The following FBXO38 variants were observed in gnomAD, a reference collection of about 807,000 sequenced individuals.
FBXO38 encodes F-box only protein 38.
Under a neutral mutation model 131.9 loss-of-function variants are expected in FBXO38, and 53 were observed. The observed-to-expected ratio is 0.40, with a 90% CI of 0.32 to 0.51. The LOEUF (loss-of-function observed/expected upper bound fraction) is 0.51. Ranked by LOEUF, FBXO38 falls within the 20% of genes least tolerant of loss-of-function variation. The pLI, the probability that FBXO38 is intolerant of heterozygous loss-of-function variation, is 0.53. For synonymous variants in FBXO38, 452 were observed against 505.6 expected (o/e 0.89, Z 1.42); for missense variants, 1,076 against 1,475.6 (o/e 0.73, Z 4.44).
In FBXO38 at chr5:148,440,485, TA is replaced by T; in HGVS notation, c.3233del (p.Tyr1078SerfsTer13). On this transcript the variant is annotated frameshift_variant, in exon 20 of 22. Transcript: ENST00000340253. LOFTEE classifies it high-confidence loss of function. ...ATRSEEDLKK[Y>X]PKYPWGREIY... ...TCGAAGTGAAGAAGACTTAAAGAAA[TA>T]CCCCAAGTACCCCTGGGGGAGAGAA... The T allele has an allele frequency of 6.2e-7, 1 of 1,611,806 alleles. No homozygotes were observed. Among genetic ancestry groups the T allele is most frequent in the Non-Finnish European group, 8.5e-7 (1 of 1,178,034 alleles).
At chr5:148,410,477 T>G in intron 8 of FBXO38, 158 bp from the exon 9 acceptor site, 1 of 837,412 alleles carries the variant, frequency 1.2e-6, no homozygotes, top group Non-Finnish European at 1.9e-6. Flanking sequence ...TCCCCAGCCA[T>G]GTGGAACTGT....
At chr5:148,436,144 C>T (rs996152542) in intron 17 of FBXO38, among the ~76,000 whole-genome samples, 1 of 152,124 alleles carries the variant, frequency 6.6e-6, no homozygotes, top group African/African-American at 2.4e-5. Flanking sequence ...AAAAAAATGG[C>T]ACCAGTAGAT....
intron 9 of FBXO38, among the ~76,000 whole-genome samples, chr5:148,411,207 C>T (rs1447675566): frequency 4.6e-5 from 7 of 152,100 alleles, no homozygotes; most frequent in Non-Finnish European, 8.8e-5. Flanking sequence ...GCTGGGGGTT[C>T]TGGATTTTCC....
At chr5:148,412,874 AAAAC>A (rs1402581973) in intron 9 of FBXO38, among the ~76,000 whole-genome samples, 2 of 152,136 alleles carry the variant, frequency 1.3e-5, no homozygotes, top group Non-Finnish European at 2.9e-5. Context: ...GCTGAAAAGA[AAAAC>A]AAAAATGAAT....
In FBXO38 at chr5:148,428,729, G is replaced by T. The variant is rs926746567; in HGVS notation, c.2653+782G>T. Reference sequence around the variant, plus strand: ...ATCAGTCCCAGAACATAGGCAGTCAGTGCTTTTTGTATATTCAAAATAGAA... The same window carrying T: ...ATCAGTCCCAGAACATAGGCAGTCATTGCTTTTTGTATATTCAAAATAGAA... On this transcript the variant is annotated intron_variant, in intron 15 of 21. Transcript: ENST00000340253. 7.9e-5 allele frequency among the ~76,000 whole-genome samples: 12 copies of T among 152,272 alleles called. 1 individual carries two copies. The Middle Eastern group carries it at 0.01, about 129-fold the overall frequency.
intron 10 of FBXO38, among the ~76,000 whole-genome samples, chr5:148,415,578 T>C (rs562786946): frequency 4.6e-5 from 7 of 152,298 alleles, no homozygotes; most frequent in African/African-American, 1.4e-4. Flanking sequence ...CATATTAAGC[T>C]CTCCTTAATT....
rs578053667 is a variant in FBXO38, at chr5:148,411,889, G to A, written c.1093+1124G>A. Among the ~76,000 whole-genome samples the A allele has an allele frequency of 3.3e-5, 5 of 152,254 alleles. No individual in the cohort carries two copies. The East Asian group carries it at 7.7e-4, about 24-fold the overall frequency. ...CATTCCCTATGTTTCTGCAATGTCTGTATAGTAACAAAATTATTAGCTTTG... is the reference window on the plus strand; with the variant it reads ...CATTCCCTATGTTTCTGCAATGTCTATATAGTAACAAAATTATTAGCTTTG... On this transcript the variant is annotated intron_variant, in intron 9 of 21. Transcript: ENST00000340253.
chr5:148,400,495 T>C (rs1224051574), intron 3 of FBXO38, among the ~76,000 whole-genome samples: 1 of 152,086 alleles, frequency 6.6e-6, no homozygotes, highest in Non-Finnish European at 1.5e-5. Flanking sequence ...CTATGATAAA[T>C]AACCTGTGAG....
chr5:148,389,010 G>A (rs1193028327), intron 1 of FBXO38, among the ~76,000 whole-genome samples: 1 of 152,180 alleles, frequency 6.6e-6, no homozygotes, highest in African/African-American at 2.4e-5. Context: ...AGAGGCCGTT[G>A]TAGAGTTCTT....
intron 17 of FBXO38, among the ~76,000 whole-genome samples, chr5:148,436,320 G>A (rs1754346614): frequency 6.6e-6 from 1 of 152,160 alleles, no homozygotes; most frequent in Non-Finnish European, 1.5e-5. Flanking sequence ...GCCTAGTGAT[G>A]TTAATTTGTA....
chr5:148,421,428 G>A (rs1753423574), intron 12 of FBXO38, among the ~76,000 whole-genome samples: 1 of 152,040 alleles, frequency 6.6e-6, no homozygotes, highest in Non-Finnish European at 1.5e-5. Context: ...ACACTTTGGG[G>A]CAGGTAGTTG....
chr5:148,397,184 C>T (rs1758524888), intron 2 of FBXO38, among the ~76,000 whole-genome samples: 2 of 152,078 alleles, frequency 1.3e-5, no homozygotes, highest in African/African-American at 2.4e-5. Flanking sequence ...CTTCATAAAA[C>T]AAGAAAAACT....
At chr5:148,412,213 C>T (rs1327798737) in intron 9 of FBXO38, among the ~76,000 whole-genome samples, 1 of 152,106 alleles carries the variant, frequency 6.6e-6, no homozygotes, top group Non-Finnish European at 1.5e-5. Flanking sequence ...TTCTTATTTG[C>T]CACAGTTTAA....
chr5:148,389,968 G>A (rs1378170399), intron 1 of FBXO38: 1 of 152,080 alleles, frequency 6.6e-6, no homozygotes, highest in Non-Finnish European at 1.5e-5. Context: ...GGCAGAAGTT[G>A]CAGTGAGCCA....
intron 14 of FBXO38, 86 bp downstream of exon 14, chr5:148,425,787 G>T: frequency 1.7e-6 from 2 of 1,147,264 alleles, no homozygotes; most frequent in South Asian, 3.0e-5. Context: ...CTTGGGTGCA[G>T]TTAACATATA....
chr5:148,407,335 CAG>C (rs1289424101), intron 7 of FBXO38, among the ~76,000 whole-genome samples: 1 of 152,122 alleles, frequency 6.6e-6, no homozygotes. Context: ...AAAAGAAAAA[CAG>C]AGACTTTTCT....
rs142852014 is a variant in FBXO38, at chr5:148,433,431, C to T, written c.2661C>T (p.Ala887=). 3 of 1,610,130 alleles carry T rather than the reference C, an allele frequency of 1.9e-6. No homozygotes were observed. The highest frequency in any genetic ancestry group is 2.5e-6 in the Non-Finnish European group (3 of 1,178,806). Residue 887 remains alanine, a synonymous_variant, in exon 16 of 22, where the codon GCC becomes GCT. Coordinates refer to ENST00000340253, the MANE Select transcript of FBXO38 (RefSeq NM_205836.3). The part of the protein sequence containing the change: ...HVLLVSESEV[A]KTKPRHAMKR... ...TTTTTTTGCCTTTTTTAGAAGTAGC[C>T]AAAACAAAGCCACGTCACGCCATGA...
chr5:148,435,330 A>G (rs1042687430), intron 17 of FBXO38, among the ~76,000 whole-genome samples: 1 of 152,142 alleles, frequency 6.6e-6, no homozygotes, highest in Non-Finnish European at 1.5e-5. Flanking sequence ...TTGTGGGTTC[A>G]CTGGAATAGC....
At chr5:148,408,929 G>T (rs1752584908) in intron 7 of FBXO38, among the ~76,000 whole-genome samples, 195 bp from the exon 8 acceptor site, 3 of 152,174 alleles carry the variant, frequency 2.0e-5, no homozygotes, top group Admixed American at 6.5e-5. Flanking sequence ...CAAAATGAGG[G>T]TCTGCTTTCA....
Sources: allele counts gnomAD v4.1 joint callset (sites outside exome capture counted in the v4.1 genomes callset), GRCh38; gene constraint gnomAD v4.1.1; transcripts MANE v1.5; gene names NCBI Gene and HGNC (gene_info 2026-07-23, HGNC 2026-07-21).